MAGI2: variants seen among roughly 807,000 people sequenced by gnomAD.
The protein encoded by MAGI2 is membrane-associated guanylate kinase, WW and PDZ domain-containing protein 2.
MAGI2 carries 35 observed loss-of-function variants against 133.3 expected under a neutral mutation model. The ratio of observed to expected loss-of-function variants is 0.26; its 90% CI spans 0.20 to 0.35. The LOEUF (loss-of-function observed/expected upper bound fraction) is 0.35. MAGI2 is among the 10% of genes least tolerant of loss of function. MAGI2 has a pLI of 1.00. For synonymous variants in MAGI2, 729 were observed against 710.6 expected, an observed-to-expected ratio of 1.03 and a Z score of -0.41; for missense variants, 1,636 against 1,863.4, an observed-to-expected ratio of 0.88 and a Z score of 2.25.
intron 9 of MAGI2, among the ~76,000 whole-genome samples, chr7:78,332,100 C>T (rs2691535): frequency 0.5 from 76,247 of 151,936 alleles, 19,403 homozygotes; most frequent in Middle Eastern, 0.55. Flanking sequence ...GAGATGAGAA[C>T]CTAGGATAAC....
chr7:78,365,176 A>T (rs1332339953), intron 7 of MAGI2, among the ~76,000 whole-genome samples: 1 of 152,006 alleles, frequency 6.6e-6, no homozygotes, highest in Non-Finnish European at 1.5e-5. Flanking sequence ...GGCTACTCCA[A>T]AGTGGTGGGT....
At chr7:78,535,805 C>T (rs1797837940) in intron 3 of MAGI2, among the ~76,000 whole-genome samples, 1 of 152,026 alleles carries the variant, frequency 6.6e-6, no homozygotes, top group Non-Finnish European at 1.5e-5. Context: ...ATTTTGCAGA[C>T]CCTGCATTTC....
intron 5 of MAGI2, among the ~76,000 whole-genome samples, chr7:78,494,748 CTTT>C: frequency 6.6e-6 from 1 of 152,026 alleles, no homozygotes. Context: ...AAATGAAAAG[CTTT>C]TATTATTAAA....
chr7:79,125,652 T>C (rs549095957), intron 1 of MAGI2: 1 of 528,958 alleles, frequency 1.9e-6, no homozygotes, highest in East Asian at 5.0e-5. Context: ...TTTTGGAAAT[T>C]ACAACAATCA....
intron 1 of MAGI2, among the ~76,000 whole-genome samples, chr7:79,398,578 G>T (rs1845222633): frequency 6.6e-6 from 1 of 152,182 alleles, no homozygotes; most frequent in African/African-American, 2.4e-5. Flanking sequence ...CATCAGTGAT[G>T]AATTCATTTG....
chr7:79,422,117 T>C (rs1847005064), intron 1 of MAGI2, among the ~76,000 whole-genome samples: 1 of 152,052 alleles, frequency 6.6e-6, no homozygotes, highest in Admixed American at 6.6e-5. Context: ...CTTTGGTCAA[T>C]TCTGAAATGG....
At chr7:79,281,174 A>G (rs1835613738) in intron 1 of MAGI2, among the ~76,000 whole-genome samples, 2 of 152,102 alleles carry the variant, frequency 1.3e-5, no homozygotes, top group Non-Finnish European at 2.9e-5. Context: ...ATAATGTTCA[A>G]GAAGTTAAAT....
chr7:78,648,706 C>A (rs1356566883), intron 2 of MAGI2, among the ~76,000 whole-genome samples: 1 of 152,052 alleles, frequency 6.6e-6, no homozygotes, highest in Non-Finnish European at 1.5e-5. Context: ...GGTGGAGGAC[C>A]ACTGGTCTTG....
chr7:78,553,403 A>G (rs1046656558), intron 3 of MAGI2, among the ~76,000 whole-genome samples: 11 of 152,222 alleles, frequency 7.2e-5, no homozygotes, highest in Non-Finnish European at 1.5e-5. Context: ...AATGCAACTG[A>G]GTTCTAACAA....
rs373472835 is a variant in MAGI2 at position 78,804,748 on chromosome 7, CAAAAAAAAAA to C, written c.419-177519_419-177510del. On this transcript the variant is annotated intron_variant, in intron 2 of 21. Transcript: ENST00000354212. ...TGGGCAACAGAGCGAGACTCTGTCT[CAAAAAAAAAA>C]AAAAAAAAAAAAAACCTTTGGCCCT... Among the ~76,000 whole-genome samples the C allele has an allele frequency of 1.0e-3, 99 of 97,726 alleles. 1 individual carries two copies. Among genetic ancestry groups the C allele is most frequent in the African/African-American group, 2.3e-3 (49 of 21,178 alleles). The allele number at this position is 97,726 out of a possible 152,430, so 64.1% of individuals were successfully genotyped here.
chr7:78,948,706 A>T (rs1801632327), intron 2 of MAGI2, among the ~76,000 whole-genome samples: 1 of 152,190 alleles, frequency 6.6e-6, no homozygotes. Context: ...ATAAATAGTA[A>T]ATGTAGAACT....
intron 9 of MAGI2, among the ~76,000 whole-genome samples, chr7:78,320,027 G>A (rs1324186572): frequency 2.0e-5 from 3 of 152,198 alleles, no homozygotes; most frequent in Admixed American, 2.0e-4. Flanking sequence ...AAATCTAGAA[G>A]AAACGGATAA....
chr7:78,886,711 T>C (rs1316444866), intron 2 of MAGI2, among the ~76,000 whole-genome samples: 1 of 152,230 alleles, frequency 6.6e-6, no homozygotes, highest in Non-Finnish European at 1.5e-5. Flanking sequence ...TAGTAATTCT[T>C]TGTCACTTAT....
At chr7:78,745,833 G>C (rs1822878416) in intron 2 of MAGI2, among the ~76,000 whole-genome samples, 1 of 152,074 alleles carries the variant, frequency 6.6e-6, no homozygotes, top group Non-Finnish European at 1.5e-5. Context: ...TCTTTTCTTT[G>C]AGTATTGTCT....
intron 20 of MAGI2, among the ~76,000 whole-genome samples, chr7:78,108,697 C>T (rs1218697109): frequency 8.2e-6 from 1 of 122,138 alleles, no homozygotes; most frequent in East Asian, 2.3e-4. Flanking sequence ...AGTGTATACA[C>T]ACACATATGT....
intron 2 of MAGI2, among the ~76,000 whole-genome samples, chr7:78,814,915 A>T (rs1563537799): frequency 6.6e-6 from 1 of 151,992 alleles, no homozygotes. Flanking sequence ...TTTAGTAGAG[A>T]TGGAGTCTCA....
chr7:78,367,737 T>C (rs1464294090), intron 7 of MAGI2, among the ~76,000 whole-genome samples: 1 of 152,182 alleles, frequency 6.6e-6, no homozygotes, highest in Non-Finnish European at 1.5e-5. Context: ...TCGGATGTAG[T>C]AGGCTTAGAC....
At position 78,765,568 on chromosome 7, in the gene MAGI2, C is replaced by T. The variant is rs902982548; in HGVS notation, c.419-138329G>A. 2.3e-4 allele frequency among the ~76,000 whole-genome samples: 35 copies of T among 151,878 alleles called. 1 individual carries two copies. The highest frequency in any genetic ancestry group is 8.2e-4 in the African/African-American group (34 of 41,422). ...TTCTCTATGTTGGCCAGGCTGGTCTCGAACTCCTGACCTTGTGATCTGCCC... is the reference window on the plus strand; with the variant it reads ...TTCTCTATGTTGGCCAGGCTGGTCTTGAACTCCTGACCTTGTGATCTGCCC... On this transcript the variant is annotated intron_variant, in intron 2 of 21. Transcript: ENST00000354212.
intron 2 of MAGI2, among the ~76,000 whole-genome samples, chr7:78,758,260 C>G (rs1379253642): frequency 6.6e-6 from 1 of 151,412 alleles, no homozygotes; most frequent in African/African-American, 2.4e-5. Context: ...TCATACAAGA[C>G]AGGGTTTTTT....
Sources: gnomAD v4.1 joint callset for allele counts (sites outside exome capture counted in the v4.1 genomes callset) on GRCh38, gnomAD v4.1.1 for gene constraint, MANE v1.5 for transcripts, NCBI Gene and HGNC (gene_info 2026-07-23, HGNC 2026-07-21) for gene names.